The following GFI1B variants were observed in gnomAD, a reference collection of about 807,000 sequenced individuals.
GFI1B encodes the protein zinc finger protein Gfi-1b.
Under a neutral mutation model 35.3 loss-of-function variants are expected in GFI1B, and 20 were observed. The ratio of observed to expected loss-of-function variants is 0.57; its 90% CI spans 0.40 to 0.82. The LOEUF is 0.82. GFI1B is among the 40% of genes least tolerant of loss of function. The pLI is 0.00. For synonymous variants in GFI1B, 178 were observed against 177.6 expected, an observed-to-expected ratio of 1.00 and a Z score of -0.02; for missense variants, 430 against 446.3, an observed-to-expected ratio of 0.96 and a Z score of 0.33.
upstream of GFI1B, among the ~76,000 whole-genome samples, chr9:132,975,623 G>C (rs1256729638): frequency 1.3e-5 from 2 of 152,270 alleles, no homozygotes; most frequent in African/African-American, 4.8e-5. Flanking sequence ...TGAAAAGTCC[G>C]GCTGTTTTTT....
At chr9:132,986,856 C>A in intron 2 of GFI1B, 78 bp downstream of exon 2, 2 of 856,022 alleles carry the variant, frequency 2.3e-6, no homozygotes, top group South Asian at 1.4e-5. Flanking sequence ...GCAGCAGCGT[C>A]CCTCCTGCAG....
At chr9:132,967,801 A>T (rs1024633146) in intron 1 of GFI1B, among the ~76,000 whole-genome samples, 1 of 151,978 alleles carries the variant, frequency 6.6e-6, no homozygotes, top group African/African-American at 2.4e-5. Flanking sequence ...TTTTTTTCTC[A>T]GATGGACTCT....
In GFI1B at chr9:132,991,026, C is replaced by T. The variant is rs755805333; in HGVS notation, c.969C>T (p.Arg323=). The change falls in exon 7 of 7, where the codon CGC becomes CGT. Residue 323 remains arginine (R), a synonymous_variant. Transcript: ENST00000372122. ...GCAAGGTGGACCTGCGGCGGCACCG[C>T]GAGAGCCAGCACAATCTCAAGTGAG... The part of the protein sequence containing the change: ...FQRKVDLRRH[R]ESQHNLK 4.4e-5 allele frequency: 71 copies of T among 1,613,958 alleles called. No individual in the cohort carries two copies. The highest frequency in any genetic ancestry group is 2.4e-4 in the South Asian group (22 of 91,082).
At chr9:132,971,238 G>A (rs1178260544) in intron 1 of GFI1B, among the ~76,000 whole-genome samples, 2 of 152,180 alleles carry the variant, frequency 1.3e-5, no homozygotes, top group Non-Finnish European at 2.9e-5. Flanking sequence ...CCCCTGCCAG[G>A]GTTTCTGGGG....
At chr9:132,986,475 T>C (rs1849064649) in intron 1 of GFI1B, among the ~76,000 whole-genome samples, 184 bp from the exon 2 acceptor site, 2 of 152,198 alleles carry the variant, frequency 1.3e-5, no homozygotes, top group South Asian at 4.1e-4. Context: ...CATAACTTGA[T>C]TACATCTGCA....
At chr9:132,961,304 G>T (rs1272343091) in intron 1 of GFI1B, among the ~76,000 whole-genome samples, 2 of 151,918 alleles carry the variant, frequency 1.3e-5, no homozygotes, top group Non-Finnish European at 2.9e-5. Flanking sequence ...GCAGAGCAAA[G>T]TCAGAAGATA....
chr9:132,987,447 C>A, intron 3 of GFI1B, 28 bp downstream of exon 3: 1 of 1,613,934 alleles, frequency 6.2e-7, no homozygotes, highest in Non-Finnish European at 8.5e-7. Flanking sequence ...ACTGTCATTC[C>A]CCAGGGAGTG....
chr9:132,945,630 C>T lies in GFI1B; in HGVS notation c.-740C>T, dbSNP rs542687138. 8 of 154,240 alleles carry T rather than the reference C, an allele frequency of 5.2e-5. No homozygotes were observed. In the South Asian group the frequency reaches 1.4e-3, roughly 28 times the overall value. 9.6% of individuals were successfully genotyped at this position (154,240 alleles called of 1,614,324 possible). A position where few individuals can be genotyped will look rare whatever the true frequency, so the allele number is the denominator to read the frequency against. ...GGAGGCAGAGTGAGATGAAGTCGAA[C>T]TGTGGGATATGAAAGGCATTTTGAA... On this transcript the variant is annotated 5_prime_UTR_variant, in exon 1 of 11. Transcript: ENST00000339463.
At chr9:132,966,606 G>A (rs985940098) in intron 1 of GFI1B, among the ~76,000 whole-genome samples, 1 of 152,206 alleles carries the variant, frequency 6.6e-6, no homozygotes, top group African/African-American at 2.4e-5. Context: ...ATTGATTATA[G>A]CAAGGAGCTG....
At chr9:132,979,105 C>T (rs980524115) in intron 1 of GFI1B, among the ~76,000 whole-genome samples, 3 of 152,166 alleles carry the variant, frequency 2.0e-5, no homozygotes, top group African/African-American at 7.2e-5. Flanking sequence ...ACGTCACCTT[C>T]GGGCACAAAG....
At chr9:132,984,655 C>T (rs1848966754) in intron 1 of GFI1B, among the ~76,000 whole-genome samples, 1 of 152,178 alleles carries the variant, frequency 6.6e-6, no homozygotes, top group African/African-American at 2.4e-5. Context: ...GATAAAGGTC[C>T]TTTCTCGCTC....
In GFI1B at chr9:132,987,423, C is replaced by T. The variant is rs773753980; in HGVS notation, c.238+4C>T. 4 of 1,614,218 alleles carry T rather than the reference C, an allele frequency of 2.5e-6. No individual in the cohort carries two copies. Among genetic ancestry groups the T allele is most frequent in the Non-Finnish European group, 3.4e-6 (4 of 1,180,014 alleles). ...GCCAGGATGGCCCCGGCACCAGGTA[C>T]CCCGCTGTGACCCACTGTCATTCCC... is the stretch of plus-strand genomic sequence containing the variant. On this transcript the variant is annotated splice_donor_region_variant and intron_variant, in intron 3 of 6. Coordinates refer to ENST00000372122, the MANE Select transcript of GFI1B (RefSeq NM_001377304.1).
chr9:132,952,758 C>G (rs1448002334), intron 1 of GFI1B: 1 of 152,218 alleles, frequency 6.6e-6, no homozygotes, highest in Non-Finnish European at 1.5e-5. Flanking sequence ...AAATTTTCTA[C>G]AGTAGGTATG....
intron 1 of GFI1B, 115 bp from the exon 2 acceptor site, chr9:132,986,544 G>C: frequency 1.4e-6 from 1 of 699,238 alleles, no homozygotes; most frequent in South Asian, 1.5e-5. Flanking sequence ...ATGAACTTTG[G>C]GGGCCACTGT....
chr9:132,990,897 G>A lies in GFI1B; in HGVS notation c.840G>A (p.Val280=), dbSNP rs764309188. The change falls in exon 7 of 7, where the codon GTG becomes GTA. Residue 280 remains valine, a synonymous_variant. Transcript: ENST00000372122. ...GTGAGAAGCCGCACAAGTGCCAGGT[G>A]TGCGGAAAGGCCTTCAGCCAGAGCT... ...HTGEKPHKCQ[V]CGKAFSQSSN... The A allele has an allele frequency of 3.7e-6, 6 of 1,614,234 alleles. No homozygotes were observed. Among genetic ancestry groups the A allele is most frequent in the Non-Finnish European group, 5.1e-6 (6 of 1,180,026 alleles).
chr9:132,990,791 C>CG, intron 6 of GFI1B, 81 bp from the exon 7 acceptor site: 1 of 1,308,608 alleles, frequency 7.6e-7, no homozygotes, highest in Non-Finnish European at 1.1e-6. Context: ...AAAATGAACC[C>CG]GGGGGCAGGG....
chr9:132,976,871 G>A (rs1336660245), upstream of GFI1B, among the ~76,000 whole-genome samples: 1 of 152,188 alleles, frequency 6.6e-6, no homozygotes, highest in Non-Finnish European at 1.5e-5. Context: ...GAGCCAGGGA[G>A]GTCGAGGCTG....
chr9:132,983,769 A>C (rs1588432934), intron 1 of GFI1B, among the ~76,000 whole-genome samples: 1 of 152,210 alleles, frequency 6.6e-6, no homozygotes, highest in East Asian at 1.9e-4. Flanking sequence ...CTCCCTCTGC[A>C]GAGAGAAGCC....
chr9:132,986,843 G>A, intron 2 of GFI1B, 65 bp downstream of exon 2: 2 of 979,000 alleles, frequency 2.0e-6, no homozygotes, highest in South Asian at 1.4e-5. Flanking sequence ...GCGTGATGAG[G>A]GTGCAGCAGC....
Sources: gnomAD v4.1 joint callset for allele counts (sites outside exome capture counted in the v4.1 genomes callset) on GRCh38, gnomAD v4.1.1 for gene constraint, MANE v1.5 for transcripts, NCBI Gene and HGNC (gene_info 2026-07-23, HGNC 2026-07-21) for gene names.